The following TGM6 variants were observed in gnomAD, a reference collection of about 807,000 sequenced individuals.
The protein encoded by TGM6 is transglutaminase 6, also known as protein-glutamine gamma-glutamyltransferase 6.
In TGM6, 74 loss-of-function variants were observed where a neutral mutation model predicts 77.5. That is an observed-to-expected ratio of 0.96 (90% CI 0.79 to 1.16). The LOEUF (loss-of-function observed/expected upper bound fraction) is 1.16, where lower values mean the gene tolerates loss of function less well. Ranked by LOEUF, TGM6 falls within the 50% of genes most tolerant of loss-of-function variation. TGM6 has a pLI of 0.00. For synonymous variants in TGM6, 383 were observed against 378.9 expected, an observed-to-expected ratio of 1.01 and a Z score of -0.12; for missense variants, 968 against 940.2, an observed-to-expected ratio of 1.03 and a Z score of -0.39.
intron 9 of TGM6, 102 bp downstream of exon 9, chr20:2,403,925 A>G: frequency 6.3e-7 from 1 of 1,586,684 alleles, no homozygotes; most frequent in Admixed American, 1.7e-5. Context: ...CCCCATGTAT[A>G]TGACGCTGAC....
chr20:2,401,229 AACTT>A (rs1384532680), intron 7 of TGM6, among the ~76,000 whole-genome samples: 1 of 151,806 alleles, frequency 6.6e-6, no homozygotes, highest in African/African-American at 2.4e-5. Context: ...AATTCATTCT[AACTT>A]ACTTAATTTT....
intron 11 of TGM6, 77 bp downstream of exon 11, chr20:2,430,677 G>A: frequency 6.2e-6 from 10 of 1,601,136 alleles, no homozygotes; most frequent in Non-Finnish European, 7.7e-6. Flanking sequence ...GTCAGAAGCT[G>A]GGGGGGTTTG....
chr20:2,396,523 G>A lies in TGM6; in HGVS notation c.442G>A (p.Ala148Thr), dbSNP rs767673938. ...CTTTTCAGAGGACGATGTGTTTCTGGCCTCAGAGGAGGAGAGACAGGAGTA... is the reference window on the plus strand; with the variant it reads ...CTTTTCAGAGGACGATGTGTTTCTGACCTCAGAGGAGGAGAGACAGGAGTA... ...PWCAEDDVFL[A>T]SEEERQEYVL... Residue 148 changes from alanine (A) to threonine (T), a missense_variant, in exon 4 of 13, where the codon GCC becomes ACC. Physicochemically the swap from Ala to Thr is moderately conservative, Grantham distance 58. Transcript: ENST00000202625. 5.0e-6 allele frequency: 8 copies of A among 1,614,068 alleles called. No homozygotes were observed. Among genetic ancestry groups the A allele is most frequent in the Admixed American group, 1.7e-5 (1 of 59,992 alleles).
At chr20:2,381,018 G>C in intron 1 of TGM6, 43 bp downstream of exon 1, 1 of 1,606,114 alleles carries the variant, frequency 6.2e-7, no homozygotes, top group Non-Finnish European at 8.5e-7. Context: ...CAGGGCTCAT[G>C]AGGGGGGCTT....
Position 2,397,920 on chromosome 20 carries a change from T to G in TGM6, c.546T>G (p.Phe182Leu). 6.2e-7 allele frequency: 1 copy of G among 1,614,116 alleles called. No individual in the cohort carries two copies. The highest frequency in any genetic ancestry group is 8.5e-7 in the Non-Finnish European group (1 of 1,179,998). ...IRAQGWNYGQ[F>L]EEDILNICLS... The stretch of plus-strand genomic sequence containing the variant: ...AGCACAGCCTCTCTGGGGAGCAGTT[T>G]GAGGAGGACATCCTGAACATCTGCC... Residue 182 changes from phenylalanine (F) to leucine (L), a missense_variant and splice_region_variant, in exon 5 of 13, where the codon TTT becomes TTG. Transcript: ENST00000202625.
At chr20:2,399,446 G>T in intron 5 of TGM6, 115 bp from the exon 6 acceptor site, 1 of 1,443,726 alleles carries the variant, frequency 6.9e-7, no homozygotes, top group Non-Finnish European at 9.7e-7. Flanking sequence ...CAGTTAAAAA[G>T]CAAGAGTGAC....
Position 2,432,579 on chromosome 20 carries a change from T to C in TGM6, c.2057T>C (p.Leu686Pro). The part of the protein sequence containing the change: ...KSGPRQLQVD[L>P]VSPHFPDIKG... ...GGCCCAAGGCAGCTGCAGGTGGACC[T>C]TGTAAGCCCTCACTTCCCGGACATC... The change falls in exon 13 of 13, where the codon CTT becomes CCT. Residue 686 changes from leucine (L) to proline (P), a missense_variant. Coordinates refer to ENST00000202625, the MANE Select transcript of TGM6 (RefSeq NM_198994.3). 6.2e-7 allele frequency: 1 copy of C among 1,614,124 alleles called. No homozygotes were observed. Among genetic ancestry groups the C allele is most frequent in the Non-Finnish European group, 8.5e-7 (1 of 1,179,990 alleles).
At chr20:2,410,405 G>C (rs1211729871) in intron 9 of TGM6, among the ~76,000 whole-genome samples, 1 of 152,136 alleles carries the variant, frequency 6.6e-6, no homozygotes, top group Non-Finnish European at 1.5e-5. Context: ...ACCTTGCCCT[G>C]TGTATCTCTC....
At chr20:2,406,487 T>C (rs1190185404) in intron 9 of TGM6, among the ~76,000 whole-genome samples, 1 of 101,878 alleles carries the variant, frequency 9.8e-6, no homozygotes, top group Non-Finnish European at 1.8e-5. Flanking sequence ...AGTGAGACCC[T>C]GTCTCAAAAA....
intron 9 of TGM6, among the ~76,000 whole-genome samples, chr20:2,414,217 G>A (rs917750789): frequency 1.3e-5 from 2 of 151,974 alleles, no homozygotes; most frequent in Non-Finnish European, 2.9e-5. Flanking sequence ...ACAAAATAAA[G>A]AAATAAATAA....
intron 10 of TGM6, among the ~76,000 whole-genome samples, chr20:2,424,075 A>G (rs1378244276): frequency 2.0e-5 from 3 of 152,214 alleles, no homozygotes; most frequent in Admixed American, 6.5e-5. Context: ...GACCACAGGC[A>G]TAGTAGATTT....
chr20:2,415,292 C>A (rs977786915), intron 9 of TGM6, among the ~76,000 whole-genome samples: 1 of 152,126 alleles, frequency 6.6e-6, no homozygotes, highest in Non-Finnish European at 1.5e-5. Flanking sequence ...ATCAGGGTAC[C>A]TTCAGGGGAG....
intron 7 of TGM6, 44 bp from the exon 8 acceptor site, chr20:2,403,353 T>C (rs1288123719): frequency 6.2e-7 from 1 of 1,607,968 alleles, no homozygotes; most frequent in African/African-American, 1.3e-5. Context: ...TCCCTTCCTA[T>C]GCCCTCACTC....
At chr20:2,430,807 G>C in intron 11 of TGM6, 87 bp from the exon 12 acceptor site, 1 of 1,611,426 alleles carries the variant, frequency 6.2e-7, no homozygotes, top group Middle Eastern at 1.7e-4. Flanking sequence ...CATGACTAAT[G>C]ATCCATCCTC....
intron 1 of TGM6, among the ~76,000 whole-genome samples, chr20:2,383,488 G>A (rs2084569761): frequency 6.6e-6 from 1 of 152,304 alleles, no homozygotes; most frequent in South Asian, 2.1e-4. Flanking sequence ...GGAGGTCAGA[G>A]GGCCAGAAGT....
chr20:2,418,389 G>A (rs1194633483), intron 10 of TGM6, among the ~76,000 whole-genome samples: 1 of 152,194 alleles, frequency 6.6e-6, no homozygotes, highest in African/African-American at 2.4e-5. Context: ...CTTGTGTGTG[G>A]TACTAGTGCT....
chr20:2,413,713 T>C (rs1203404090), intron 9 of TGM6, among the ~76,000 whole-genome samples: 1 of 152,152 alleles, frequency 6.6e-6, no homozygotes, highest in African/African-American at 2.4e-5. Context: ...AAGAATGAAG[T>C]TGGCCTCCTA....
intron 10 of TGM6, among the ~76,000 whole-genome samples, chr20:2,429,354 AAGAAAAC>A (rs1268313162): frequency 6.6e-6 from 1 of 152,102 alleles, no homozygotes; most frequent in African/African-American, 2.4e-5. Context: ...CAGAGTCAGA[AAGAAAAC>A]AGAAATAAAG....
chr20:2,385,002 C>T (rs1357604964), intron 1 of TGM6, among the ~76,000 whole-genome samples: 1 of 152,158 alleles, frequency 6.6e-6, no homozygotes, highest in Non-Finnish European at 1.5e-5. Context: ...TCAACTGGAG[C>T]AGTCTTAGAG....
Sources: allele counts gnomAD v4.1 joint callset (sites outside exome capture counted in the v4.1 genomes callset), GRCh38; gene constraint gnomAD v4.1.1; transcripts MANE v1.5; gene names NCBI Gene and HGNC (gene_info 2026-07-23, HGNC 2026-07-21).